Variants in MYT1L observed in about 807,000 individuals in gnomAD.
MYT1L encodes myelin transcription factor 1 like.
A neutral mutation model predicts 126.7 loss-of-function variants in MYT1L; 12 were observed. That is an observed-to-expected ratio of 0.09 (90% CI 0.06 to 0.15). MYT1L has a LOEUF of 0.15. MYT1L is among the 10% of genes least tolerant of loss of function. The pLI is 1.00. For missense variants in MYT1L, 979 were observed against 1,585.2 expected (o/e 0.62, Z 6.49); for synonymous variants, 541 against 604.2 (o/e 0.90, Z 1.53).
At chr2:2,235,487 C>T (rs766551001) in intron 2 of MYT1L, among the ~76,000 whole-genome samples, 16 of 152,138 alleles carry the variant, frequency 1.1e-4, no homozygotes, top group Non-Finnish European at 1.8e-4. Context: ...TAGTGGGGTC[C>T]CTGTTAGCTG....
rs985686147 is a variant in MYT1L at position 2,331,257 on chromosome 2, T to G, written c.-811A>C. ...TGCAGGGAAAAGCTCTCTCACTGTT[T>G]AGTGTGCAGTAGCTTAGGGAAAAAA... On this transcript the variant is annotated 5_prime_UTR_variant, in exon 1 of 25. Transcript: ENST00000647738. 1 of 152,034 alleles carries G rather than the reference T, an allele frequency of 6.6e-6. No homozygotes were observed. Among genetic ancestry groups the G allele is most frequent in the Admixed American group, 6.6e-5 (1 of 15,262 alleles). The allele number at this position is 152,034 out of a possible 1,614,324, so 9.4% of individuals were successfully genotyped here. A position where few individuals can be genotyped will look rare whatever the true frequency, so the allele number is the denominator to read the frequency against.
chr2:2,000,892 G>A (rs1015392884), intron 4 of MYT1L, among the ~76,000 whole-genome samples: 5 of 152,116 alleles, frequency 3.3e-5, no homozygotes, highest in African/African-American at 9.7e-5. Flanking sequence ...GTTTATGAAC[G>A]GTTCCACTCC....
At chr2:1,849,322 C>G (rs2042913443) in intron 19 of MYT1L, among the ~76,000 whole-genome samples, 1 of 150,244 alleles carries the variant, frequency 6.7e-6, no homozygotes, top group African/African-American at 2.5e-5. Context: ...ATGTTCTTGT[C>G]TTTGTATATT....
intron 1 of MYT1L, among the ~76,000 whole-genome samples, chr2:2,329,234 T>C (rs545985067): frequency 6.9e-6 from 1 of 145,932 alleles, no homozygotes; most frequent in Admixed American, 7.2e-5. Flanking sequence ...GATTAATCAG[T>C]GAATTAGCAG....
intron 1 of MYT1L, chr2:2,319,316 C>G (rs1350680187): frequency 6.6e-6 from 1 of 152,190 alleles, no homozygotes; most frequent in African/African-American, 2.4e-5. Context: ...AACTGCAGAA[C>G]AGACCCCTGA....
intron 3 of MYT1L, among the ~76,000 whole-genome samples, chr2:2,140,743 A>AT (rs1217444682): frequency 6.6e-6 from 1 of 151,846 alleles, no homozygotes; most frequent in Non-Finnish European, 1.5e-5. Context: ...TAATTTTTGT[A>AT]TTTTTAATAG....
chr2:1,815,530 G>A (rs1031497984), intron 21 of MYT1L, among the ~76,000 whole-genome samples: 2 of 152,206 alleles, frequency 1.3e-5, no homozygotes, highest in Non-Finnish European at 1.5e-5. Context: ...TGTCTGTTGC[G>A]TGAATAAAAT....
At chr2:2,235,399 G>C (rs1287719842) in intron 2 of MYT1L, among the ~76,000 whole-genome samples, 1 of 85,048 alleles carries the variant, frequency 1.2e-5, no homozygotes, top group Non-Finnish European at 2.4e-5. Context: ...TAGCTGGTTA[G>C]CTGGTTGGCA....
At chr2:2,010,134 A>G (rs1349837176) in intron 4 of MYT1L, among the ~76,000 whole-genome samples, 1 of 152,154 alleles carries the variant, frequency 6.6e-6, no homozygotes, top group East Asian at 1.9e-4. Flanking sequence ...TGGAGAGTAC[A>G]CCAAGGCAGT....
chr2:2,201,768 AT>A (rs1379595431), intron 2 of MYT1L, among the ~76,000 whole-genome samples: 1 of 152,144 alleles, frequency 6.6e-6, no homozygotes, highest in Non-Finnish European at 1.5e-5. Flanking sequence ...AAACTCTCTA[AT>A]CTGTAGTTTA....
chr2:2,005,660 G>GCA, intron 4 of MYT1L, among the ~76,000 whole-genome samples: 1 of 143,906 alleles, frequency 6.9e-6, no homozygotes, highest in South Asian at 2.3e-4. Context: ...TCCTGAATAT[G>GCA]TTCTTTCCTG....
intron 3 of MYT1L, among the ~76,000 whole-genome samples, chr2:2,148,210 C>T (rs1300249733): frequency 6.6e-6 from 1 of 152,208 alleles, no homozygotes; most frequent in East Asian, 1.9e-4. Context: ...GCTCCCCAAC[C>T]TTTTTGGCAC....
chr2:2,165,381 C>G (rs554040326), intron 3 of MYT1L, among the ~76,000 whole-genome samples: 1 of 152,298 alleles, frequency 6.6e-6, no homozygotes, highest in African/African-American at 2.4e-5. Flanking sequence ...CAGACATCCA[C>G]ATGCCACACA....
At chr2:2,001,745 C>T (rs753910499) in intron 4 of MYT1L, among the ~76,000 whole-genome samples, 13 of 152,316 alleles carry the variant, frequency 8.5e-5, no homozygotes, top group East Asian at 5.8e-4. Context: ...TAGGGAACAA[C>T]GTCAGGACCT....
intron 2 of MYT1L, among the ~76,000 whole-genome samples, chr2:2,252,517 A>C (rs1178265818): frequency 6.6e-6 from 1 of 152,236 alleles, no homozygotes; most frequent in Non-Finnish European, 1.5e-5. Flanking sequence ...GGATCAGTGC[A>C]GAAACTGCTC....
chr2:1,845,480 A>T (rs934856331), intron 19 of MYT1L, among the ~76,000 whole-genome samples: 2 of 152,032 alleles, frequency 1.3e-5, no homozygotes, highest in Admixed American at 1.3e-4. Flanking sequence ...CCGGATGATG[A>T]TGTCCCCCGG....
chr2:1,952,890 CCCT>C (rs1417527499), intron 8 of MYT1L, among the ~76,000 whole-genome samples: 2 of 78,912 alleles, frequency 2.5e-5, no homozygotes, highest in East Asian at 8.3e-4. Context: ...TCCTTCCCTT[CCCT>C]CCTTCTTTCC....
chr2:1,950,366 G>A (rs975283934), intron 8 of MYT1L, among the ~76,000 whole-genome samples: 4 of 152,176 alleles, frequency 2.6e-5, no homozygotes, highest in African/African-American at 9.7e-5. Flanking sequence ...TGAATACATT[G>A]CATGATTGAT....
intron 24 of MYT1L, 72 bp from the exon 25 acceptor site, chr2:1,792,079 T>G: frequency 7.7e-7 from 1 of 1,302,632 alleles, no homozygotes; most frequent in Non-Finnish European, 1.0e-6. Flanking sequence ...AAGCATAAAA[T>G]AGTATCATAG....
Sources: gnomAD v4.1 joint callset for allele counts (sites outside exome capture counted in the v4.1 genomes callset) on GRCh38, gnomAD v4.1.1 for gene constraint, MANE v1.5 for transcripts, NCBI Gene and HGNC (gene_info 2026-07-23, HGNC 2026-07-21) for gene names.